The following PARD3B variants were observed in gnomAD, a reference collection of about 807,000 sequenced individuals.
PARD3B encodes the protein par-3 family cell polarity regulator beta, also known as partitioning defective 3 homolog B.
Under a neutral mutation model 130.2 loss-of-function variants are expected in PARD3B, and 103 were observed. The ratio of observed to expected loss-of-function variants is 0.79; its 90% CI spans 0.67 to 0.93. The LOEUF is 0.93. Ranked by LOEUF, PARD3B falls within the 40% of genes least tolerant of loss-of-function variation. The pLI, the probability that PARD3B is intolerant of heterozygous loss-of-function variation, is 0.00. For missense variants in PARD3B, 1,609 were observed against 1,499.2 expected, an observed-to-expected ratio of 1.07 and a Z score of -1.21; for synonymous variants, 583 against 553.2, an observed-to-expected ratio of 1.05 and a Z score of -0.76.
chr2:204,584,256 A>C (rs1257787854), intron 1 of PARD3B, among the ~76,000 whole-genome samples: 1 of 152,192 alleles, frequency 6.6e-6, no homozygotes, highest in Non-Finnish European at 1.5e-5. Flanking sequence ...TCTTTTCCTC[A>C]AGGTATTTAT....
chr2:205,016,891 TA>T (rs1281730184), intron 3 of PARD3B, among the ~76,000 whole-genome samples: 1 of 152,170 alleles, frequency 6.6e-6, no homozygotes, highest in Non-Finnish European at 1.5e-5. Context: ...GATGGATGGA[TA>T]AAAAAGTTAA....
At chr2:204,950,828 T>A (rs188057605) in intron 2 of PARD3B, among the ~76,000 whole-genome samples, 83 of 152,284 alleles carry the variant, frequency 5.5e-4, no homozygotes, top group Non-Finnish European at 1.1e-3. Context: ...ACTGAAACCC[T>A]GTTTTTCTTT....
chr2:205,003,158 C>T (rs1694984808), intron 3 of PARD3B, among the ~76,000 whole-genome samples: 1 of 152,220 alleles, frequency 6.6e-6, no homozygotes, highest in Non-Finnish European at 1.5e-5. Flanking sequence ...CTTTATTGTG[C>T]TGTGCCATTT....
rs533305359 is a variant in PARD3B at position 205,218,540 on chromosome 2, T to TA, written c.2140+25227dup. Among the ~76,000 whole-genome samples, 17 of 152,272 alleles carry TA rather than the reference T, an allele frequency of 1.1e-4. No individual in the cohort carries two copies. The South Asian group carries it at 1.9e-3, about 17-fold the overall frequency. ...ATTTCTAAGTATGCAGAGAGATTGCTAAAAAAATCAGTCAATCTATAATTA... is the reference window on the plus strand; with the variant it reads ...ATTTCTAAGTATGCAGAGAGATTGCTAAAAAAAATCAGTCAATCTATAATTA... On this transcript the variant is annotated intron_variant, in intron 15 of 22. Transcript: ENST00000406610.
chr2:205,476,530 A>G (rs749055433), intron 20 of PARD3B, among the ~76,000 whole-genome samples: 2 of 152,046 alleles, frequency 1.3e-5, no homozygotes, highest in Non-Finnish European at 1.5e-5. Flanking sequence ...CACTGGGTCT[A>G]TGTTGGGTTT....
At chr2:205,194,700 GA>G (rs1281431037) in intron 15 of PARD3B, among the ~76,000 whole-genome samples, 8 of 151,944 alleles carry the variant, frequency 5.3e-5, no homozygotes, top group African/African-American at 1.7e-4. Context: ...AATTAAGAGA[GA>G]AAAAATATTA....
At chr2:204,929,833 C>T (rs752345204) in intron 2 of PARD3B, among the ~76,000 whole-genome samples, 5 of 151,906 alleles carry the variant, frequency 3.3e-5, no homozygotes, top group Non-Finnish European at 7.4e-5. Context: ...CCACTCCAGA[C>T]AATTTAAGTC....
intron 3 of PARD3B, among the ~76,000 whole-genome samples, chr2:204,981,248 G>C (rs186787741): frequency 2.0e-5 from 3 of 151,798 alleles, no homozygotes; most frequent in African/African-American, 7.3e-5. Flanking sequence ...AGAAACGAGC[G>C]TGTATATTCA....
intron 2 of PARD3B, among the ~76,000 whole-genome samples, chr2:204,763,571 T>G (rs1202179464): frequency 6.6e-6 from 1 of 152,198 alleles, no homozygotes; most frequent in Admixed American, 6.5e-5. Flanking sequence ...TATAAAAGAT[T>G]ATAGCACTTT....
intron 2 of PARD3B, among the ~76,000 whole-genome samples, chr2:204,908,302 T>C (rs2047109941): frequency 6.6e-6 from 1 of 152,218 alleles, no homozygotes; most frequent in Admixed American, 6.5e-5. Context: ...TACTTAAATA[T>C]AATTATCACA....
chr2:205,307,307 G>A (rs1235031330), intron 18 of PARD3B, among the ~76,000 whole-genome samples: 1 of 152,094 alleles, frequency 6.6e-6, no homozygotes, highest in African/African-American at 2.4e-5. Context: ...CTTTATACAT[G>A]TTGTCTAATT....
intron 2 of PARD3B, among the ~76,000 whole-genome samples, chr2:204,780,028 C>T (rs146255928): frequency 4.2e-4 from 64 of 152,268 alleles, no homozygotes; most frequent in Admixed American, 7.9e-4. Flanking sequence ...ATTTGGCAAG[C>T]AGAGAATTCC....
chr2:205,184,953 A>T (rs1264468922), intron 13 of PARD3B, among the ~76,000 whole-genome samples: 1 of 152,136 alleles, frequency 6.6e-6, no homozygotes, highest in Non-Finnish European at 1.5e-5. Context: ...CATGCACTTT[A>T]CCACGATGTT....
At chr2:205,419,309 T>C (rs1400641411) in intron 19 of PARD3B, among the ~76,000 whole-genome samples, 4 of 88,962 alleles carry the variant, frequency 4.5e-5, no homozygotes, top group Non-Finnish European at 9.0e-5. Flanking sequence ...CCATGTAAGA[T>C]GTGACTTGTT....
rs551471538 is a variant in PARD3B at position 204,920,085 on chromosome 2, G to C, written c.223-45067G>C. Among the ~76,000 whole-genome samples the C allele has an allele frequency of 9.9e-5, 15 of 152,268 alleles. 1 individual carries two copies. The highest frequency in any genetic ancestry group is 3.6e-4 in the African/African-American group (15 of 41,538). On this transcript the variant is annotated intron_variant, in intron 2 of 22. Coordinates refer to ENST00000406610, the MANE Select transcript of PARD3B (RefSeq NM_001302769.2). The stretch of plus-strand genomic sequence containing the variant: ...CATAATGGATGGAAATGTGTGTAAA[G>C]AACAATTACGGTGTTCCAGGTAATT...
rs991459875 is a variant in PARD3B, at chr2:205,122,081, A to G, written c.1165+132A>G. The G allele has an allele frequency of 1.3e-6, 1 of 765,446 alleles. No homozygotes were observed. Among genetic ancestry groups the G allele is most frequent in the Non-Finnish European group, 2.0e-6 (1 of 492,672 alleles). The allele number at this position is 765,446 out of a possible 1,614,324, so 47.4% of individuals were successfully genotyped here. A position where few individuals can be genotyped will look rare whatever the true frequency, so the allele number is the denominator to read the frequency against. On this transcript the variant is annotated intron_variant, in intron 8 of 22. Coordinates refer to ENST00000406610, the MANE Select transcript of PARD3B (RefSeq NM_001302769.2). The surrounding 1 kb of genome is among the most constrained non-coding windows in gnomAD (Gnocchi z 4.3). ...TATCAAAGAATAGATTTAAGTGTAT[A>G]CTTAGGTAACTTAAATTTCTTGAAA...
chr2:204,741,405 A>G (rs1220376040), intron 2 of PARD3B, among the ~76,000 whole-genome samples: 1 of 152,100 alleles, frequency 6.6e-6, no homozygotes, highest in Non-Finnish European at 1.5e-5. Flanking sequence ...ATTTCCCCAA[A>G]TCTTCATGGG....
chr2:204,607,345 T>C (rs2033759413), intron 1 of PARD3B, among the ~76,000 whole-genome samples: 1 of 152,186 alleles, frequency 6.6e-6, no homozygotes, highest in Non-Finnish European at 1.5e-5. Flanking sequence ...TAAGGAGTTC[T>C]AAGTAGTTTA....
At chr2:204,968,019 C>G (rs757085519) in intron 3 of PARD3B, among the ~76,000 whole-genome samples, 2 of 152,060 alleles carry the variant, frequency 1.3e-5, no homozygotes, top group Non-Finnish European at 2.9e-5. Context: ...TCTCCCTTCC[C>G]CAGTCAGCTA....
Sources: allele counts gnomAD v4.1 joint callset (sites outside exome capture counted in the v4.1 genomes callset), GRCh38; gene constraint gnomAD v4.1.1; non-coding constraint Gnocchi (gnomAD v3.1); transcripts MANE v1.5; gene names NCBI Gene and HGNC (gene_info 2026-07-23, HGNC 2026-07-21).